Variants in PIK3R6 observed in about 807,000 individuals in gnomAD.
The protein encoded by PIK3R6 is phosphoinositide 3-kinase regulatory subunit 6.
PIK3R6 carries 91 observed loss-of-function variants against 84.9 expected under a neutral mutation model. The ratio of observed to expected loss-of-function variants is 1.07; its 90% CI spans 0.90 to 1.28. The LOEUF (loss-of-function observed/expected upper bound fraction) is 1.28. Ranked by LOEUF, PIK3R6 falls within the 50% of genes most tolerant of loss-of-function variation. The pLI, the probability that PIK3R6 is intolerant of heterozygous loss-of-function variation, is 0.00. For missense variants in PIK3R6, 996 were observed against 985.1 expected (o/e 1.01, Z -0.15); for synonymous variants, 416 against 411.4 (o/e 1.01, Z -0.13).
At chr17:8,833,746 T>C (rs1238171829) in intron 8 of PIK3R6, among the ~76,000 whole-genome samples, 2 of 151,860 alleles carry the variant, frequency 1.3e-5, no homozygotes, top group East Asian at 3.9e-4. Flanking sequence ...TTCACCATGT[T>C]GGCCAGGACG....
rs1225596211 is a variant in PIK3R6 at position 8,842,743 on chromosome 17, GC to G, written c.14-3047del. ...TCAGGAAACTTACGGTCAAATTGGG[GC>G]CCAGCCTCAAAAATTAGCTCATCTC... is the stretch of plus-strand genomic sequence containing the variant. On this transcript the variant is annotated intron_variant, in intron 2 of 19. Coordinates refer to ENST00000619866, the MANE Select transcript of PIK3R6 (RefSeq NM_001010855.4). The surrounding 1 kb of genome is among the most constrained non-coding windows in gnomAD (Gnocchi z 4.5). Among the ~76,000 whole-genome samples the G allele has an allele frequency of 2.0e-5, 3 of 152,064 alleles. No individual in the cohort carries two copies. The highest frequency in any genetic ancestry group is 7.2e-5 in the African/African-American group (3 of 41,420).
rs562894129 is a variant in PIK3R6 at position 8,827,375 on chromosome 17, G to A, written c.1393-81C>T. The A allele has an allele frequency of 1.3e-4, 194 of 1,464,778 alleles. 1 individual carries two copies. The African/African-American group carries it at 2.2e-3, about 17-fold the overall frequency. The allele number at this position is 1,464,778 out of a possible 1,614,324, so 90.7% of individuals were successfully genotyped here. A position where few individuals can be genotyped will look rare whatever the true frequency, so the allele number is the denominator to read the frequency against. ...CAGCTGCCATCAGCCTAGGCTGTGT[G>A]AATATGGTCAAGTCATTTAACCTCT... On this transcript the variant is annotated intron_variant, in intron 12 of 19. Transcript: ENST00000619866.
rs1254469839 is a variant in PIK3R6, at chr17:8,802,838, G to A, written c.*435C>T. On this transcript the variant is annotated 3_prime_UTR_variant, in exon 20 of 20. Coordinates refer to ENST00000619866, the MANE Select transcript of PIK3R6 (RefSeq NM_001010855.4). ...TGGGCAGTGGCCTGAGAGTGGGAAGGGAAGAGACTTGGGAGGGAGGTGGTG... is the reference window on the plus strand; with the variant it reads ...TGGGCAGTGGCCTGAGAGTGGGAAGAGAAGAGACTTGGGAGGGAGGTGGTG... The A allele has an allele frequency of 5.8e-6, 1 of 173,156 alleles. No individual in the cohort carries two copies. 10.7% of individuals were successfully genotyped at this position (173,156 alleles called of 1,614,324 possible). A position where few individuals can be genotyped will look rare whatever the true frequency, so the allele number is the denominator to read the frequency against.
chr17:8,843,263 T>A (rs2088732874), intron 2 of PIK3R6, among the ~76,000 whole-genome samples: 1 of 152,136 alleles, frequency 6.6e-6, no homozygotes, highest in African/African-American at 2.4e-5. Flanking sequence ...TGCTAAGTCT[T>A]TTTTCTCTCT....
At chr17:8,819,685 TATATACAC>T (rs1048211477) in intron 17 of PIK3R6, among the ~76,000 whole-genome samples, 38 of 139,454 alleles carry the variant, frequency 2.7e-4, no homozygotes, top group African/African-American at 9.8e-4. Flanking sequence ...TATATATATA[TATATACAC>T]ACACACACAC....
intron 10 of PIK3R6, 51 bp downstream of exon 10, chr17:8,829,649 TACACAC>T (rs1450168347): frequency 6.7e-6 from 10 of 1,491,192 alleles, no homozygotes; most frequent in Admixed American, 2.0e-5. Flanking sequence ...CATGCACGCA[TACACAC>T]ACAGACACAG....
At chr17:8,832,847 C>T in intron 9 of PIK3R6, 42 bp downstream of exon 9, 1 of 1,610,992 alleles carries the variant, frequency 6.2e-7, no homozygotes, top group Non-Finnish European at 8.5e-7. Context: ...GAGCTGCCCC[C>T]GCGGGACTCT....
rs1197550201 is a variant in PIK3R6 at position 8,829,163 on chromosome 17, AC to A, written c.890-174del. Among the ~76,000 whole-genome samples, 8 of 151,902 alleles carry A rather than the reference AC, an allele frequency of 5.3e-5. No individual in the cohort carries two copies. The South Asian group carries it at 8.3e-4, about 16-fold the overall frequency. On this transcript the variant is annotated intron_variant, in intron 10 of 19. Coordinates refer to ENST00000619866, the MANE Select transcript of PIK3R6 (RefSeq NM_001010855.4). The stretch of plus-strand genomic sequence containing the variant: ...CACACAGAGACACACAGATGCACAC[AC>A]ATACACATGTACAGACACAGACAGA...
intron 17 of PIK3R6, among the ~76,000 whole-genome samples, 157 bp downstream of exon 17, chr17:8,821,689 C>T (rs936688474): frequency 2.6e-5 from 4 of 152,168 alleles, no homozygotes; most frequent in Admixed American, 6.5e-5. Context: ...CTGGGTGACC[C>T]GACAGCAAGC....
chr17:8,819,054 C>G, intron 18 of PIK3R6, 29 bp downstream of exon 18: 1 of 1,511,744 alleles, frequency 6.6e-7, no homozygotes, highest in Non-Finnish European at 9.0e-7. Flanking sequence ...AGCTGGCTGT[C>G]TCCCTTTCCC....
In PIK3R6 at chr17:8,829,805, G is replaced by T; in HGVS notation, c.803-13C>A. 6.5e-7 allele frequency: 1 copy of T among 1,548,024 alleles called. No individual in the cohort carries two copies. Among genetic ancestry groups the T allele is most frequent in the Non-Finnish European group, 8.7e-7 (1 of 1,145,292 alleles). On this transcript the variant is annotated splice_polypyrimidine_tract_variant and intron_variant, in intron 9 of 19. Coordinates refer to ENST00000619866, the MANE Select transcript of PIK3R6 (RefSeq NM_001010855.4). ...TGGACAAGGTCACCTGCAGAAAGGAGCAGGCTGTGGAGGCCATGGAGGAGG... is the reference window on the plus strand; with the variant it reads ...TGGACAAGGTCACCTGCAGAAAGGATCAGGCTGTGGAGGCCATGGAGGAGG...
At chr17:8,863,622 C>T (rs1191464695) in intron 1 of PIK3R6, among the ~76,000 whole-genome samples, 2 of 152,028 alleles carry the variant, frequency 1.3e-5, no homozygotes, top group South Asian at 2.1e-4. Context: ...GTAACCTCCA[C>T]CTCCCAGGTT....
intron 1 of PIK3R6, among the ~76,000 whole-genome samples, chr17:8,867,318 G>T (rs1486403471): frequency 6.6e-6 from 1 of 152,178 alleles, no homozygotes; most frequent in Non-Finnish European, 1.5e-5. Context: ...AAAATGGGCT[G>T]AAACAATCTT....
chr17:8,857,469 T>G (rs2089169626), intron 1 of PIK3R6, among the ~76,000 whole-genome samples: 1 of 152,082 alleles, frequency 6.6e-6, no homozygotes, highest in Admixed American at 6.5e-5. Context: ...CCCCCCTCTG[T>G]CTTTGTGAAA....
intron 1 of PIK3R6, among the ~76,000 whole-genome samples, chr17:8,852,711 C>G (rs943553724): frequency 3.4e-5 from 5 of 146,466 alleles, no homozygotes; most frequent in Non-Finnish European, 7.4e-5. Flanking sequence ...TGCACTCCAG[C>G]CTGGGTGACA....
Position 8,867,554 on chromosome 17 carries a change from T to C in PIK3R6, c.-117A>G. On this transcript the variant is annotated 5_prime_UTR_variant, in exon 1 of 20. Coordinates refer to ENST00000619866, the MANE Select transcript of PIK3R6 (RefSeq NM_001010855.4). The stretch of plus-strand genomic sequence containing the variant: ...CTTGGTTCGGTGGCAGCTTCTGGGC[T>C]CCCCAAGTCCTTCAGCCAACTCCCC... 2.0e-6 allele frequency: 1 copy of C among 492,392 alleles called. No homozygotes were observed. Among genetic ancestry groups the C allele is most frequent in the African/African-American group, 2.0e-5 (1 of 51,276 alleles). The allele number at this position is 492,392 out of a possible 1,614,324, so 30.5% of individuals were successfully genotyped here. A position where few individuals can be genotyped will look rare whatever the true frequency, so the allele number is the denominator to read the frequency against.
chr17:8,828,899 G>C lies in PIK3R6; in HGVS notation c.981C>G (p.Asp327Glu), dbSNP rs772725848. Residue 327 changes from aspartate (D) to glutamate (E), a missense_variant, in exon 11 of 20, where the codon GAC becomes GAG. Physicochemically the swap from Asp to Glu is conservative, Grantham distance 45. Coordinates refer to ENST00000619866, the MANE Select transcript of PIK3R6 (RefSeq NM_001010855.4). ...EVLDLQGLRP[D>E]RELARVSVLS... is the part of the protein sequence containing the mutation. ...GCACAGAAACCCGGGCCAACTCCCG[G>C]TCCGGCCGGAGGCCCTGCAGATCCA... is the stretch of plus-strand genomic sequence containing the variant. The C allele has an allele frequency of 1.3e-6, 2 of 1,562,572 alleles. No homozygotes were observed. Among genetic ancestry groups the C allele is most frequent in the Non-Finnish European group, 1.7e-6 (2 of 1,154,260 alleles).
rs184132455 is a variant in PIK3R6, at chr17:8,856,429, A to T, written c.-91-6544T>A. Among the ~76,000 whole-genome samples, 549 of 152,290 alleles carry T rather than the reference A, an allele frequency of 3.6e-3. 3 individuals carry two copies. The highest frequency in any genetic ancestry group is 0.011 in the African/African-American group (478 of 41,570). On this transcript the variant is annotated intron_variant, in intron 1 of 19. Coordinates refer to ENST00000619866, the MANE Select transcript of PIK3R6 (RefSeq NM_001010855.4). Reference sequence around the variant, plus strand: ...CCAGGCTGGCCAAAATGGTGGAACCACGTCTCTAATAAAAATACAAAAATT... The same window carrying T: ...CCAGGCTGGCCAAAATGGTGGAACCTCGTCTCTAATAAAAATACAAAAATT...
intron 15 of PIK3R6, 59 bp downstream of exon 15, chr17:8,822,937 T>C: frequency 7.4e-7 from 1 of 1,354,216 alleles, no homozygotes; most frequent in Non-Finnish European, 1.1e-6. Flanking sequence ...GGTGGAAGGA[T>C]GAGAGTTTGG....
Sources: allele counts gnomAD v4.1 joint callset (sites outside exome capture counted in the v4.1 genomes callset), GRCh38; gene constraint gnomAD v4.1.1; non-coding constraint Gnocchi (gnomAD v3.1); transcripts MANE v1.5; gene names NCBI Gene and HGNC (gene_info 2026-07-23, HGNC 2026-07-21).